Variants in TRPM2 observed in about 807,000 individuals in gnomAD.
The protein encoded by TRPM2 is estrogen-responsive element-associated gene 1 protein.
In TRPM2, 161 loss-of-function variants were observed where a neutral mutation model predicts 174.0. The observed-to-expected ratio is 0.93, with a 90% CI of 0.81 to 1.05. The LOEUF is 1.05. Among genes scored for constraint, TRPM2 ranks in the 50% least tolerant of loss-of-function variants. The probability of loss-of-function intolerance (pLI) is 0.00; values close to 1 mark genes in which losing one functional copy is unlikely to be tolerated. For synonymous variants in TRPM2, 954 were observed against 861.3 expected (o/e 1.11, Z -1.88); for missense variants, 2,057 against 2,038.0 (o/e 1.01, Z -0.18).
chr21:44,405,083 CAGTG>C (rs2049820000), intron 16 of TRPM2, 55 bp from the exon 17 acceptor site: 2 of 1,602,618 alleles, frequency 1.2e-6, no homozygotes, highest in Non-Finnish European at 1.7e-6. Context: ...GTGACAGTGA[CAGTG>C]AGGATAGTAA....
chr21:44,437,271 C>G, intron 29 of TRPM2, 104 bp downstream of exon 29: 2 of 1,080,236 alleles, frequency 1.9e-6, no homozygotes, highest in Non-Finnish European at 2.7e-6. Context: ...CCTGCAGCCC[C>G]CTGCAGCCCC....
chr21:44,351,533 G>A (rs2047925833), upstream of TRPM2, among the ~76,000 whole-genome samples: 2 of 152,248 alleles, frequency 1.3e-5, no homozygotes, highest in South Asian at 2.1e-4. Flanking sequence ...TGCTTGTGGA[G>A]AATTTTAGCT....
intron 11 of TRPM2, among the ~76,000 whole-genome samples, chr21:44,393,062 AC>A (rs1208705086): frequency 1.3e-5 from 2 of 151,130 alleles, no homozygotes; most frequent in African/African-American, 2.4e-5. Context: ...TCTAATCTCC[AC>A]CCTTATTCAA....
At chr21:44,362,440 A>G (rs1348222577) in intron 2 of TRPM2, among the ~76,000 whole-genome samples, 13 of 149,634 alleles carry the variant, frequency 8.7e-5, no homozygotes, top group Non-Finnish European at 1.2e-4. Context: ...TGAACCTGGG[A>G]GGCGGAGCTT....
At chr21:44,413,797 G>A in intron 19 of TRPM2, 94 bp from the exon 20 acceptor site, 1 of 1,420,632 alleles carries the variant, frequency 7.0e-7, no homozygotes, top group Non-Finnish European at 9.7e-7. Flanking sequence ...GGGGGACCTG[G>A]CAGTGACTGG....
chr21:44,352,465 A>G (rs1006148523), upstream of TRPM2, among the ~76,000 whole-genome samples: 1 of 152,200 alleles, frequency 6.6e-6, no homozygotes, highest in Admixed American at 6.5e-5. Context: ...TAATGTGATG[A>G]GGGGACGGCA....
In TRPM2 at chr21:44,391,708, A is replaced by G. The variant is rs2049183827; in HGVS notation, c.1794+83A>G. ...CTTAGAGCTCTCTGTTTTTAAAATT[A>G]GCTTTTATTTTTATTAGAAAAGACA... On this transcript the variant is annotated intron_variant, in intron 11 of 31. Coordinates refer to ENST00000397928, the MANE Select transcript of TRPM2 (RefSeq NM_003307.4). This position sits in a 1 kb window ranked among gnomAD's most constrained non-coding sequence, Gnocchi z 5.0. 3 of 1,288,320 alleles carry G rather than the reference A, an allele frequency of 2.3e-6. No homozygotes were observed. Among genetic ancestry groups the G allele is most frequent in the Non-Finnish European group, 3.1e-6 (3 of 961,532 alleles). The allele number at this position is 1,288,320 out of a possible 1,614,324, so 79.8% of individuals were successfully genotyped here.
chr21:44,371,252 G>A (rs2048533189), intron 5 of TRPM2, among the ~76,000 whole-genome samples: 1 of 150,404 alleles, frequency 6.6e-6, no homozygotes, highest in African/African-American at 2.5e-5. Flanking sequence ...TCCAGTCTCT[G>A]CCTCCGTGTC....
At chr21:44,410,162 G>A (rs1461265002) in intron 19 of TRPM2, among the ~76,000 whole-genome samples, 1 of 65,352 alleles carries the variant, frequency 1.5e-5, no homozygotes, top group African/African-American at 4.4e-5. Context: ...GCGTAGCCTT[G>A]TAGTAAGTTT....
chr21:44,380,270 G>A (rs1209191698), intron 8 of TRPM2, among the ~76,000 whole-genome samples: 1 of 152,190 alleles, frequency 6.6e-6, no homozygotes, highest in Non-Finnish European at 1.5e-5. Context: ...GAGCGTTTTT[G>A]TCCGGCAGGA....
intron 3 of TRPM2, among the ~76,000 whole-genome samples, chr21:44,365,478 G>A (rs528574787): frequency 4.6e-5 from 7 of 152,358 alleles, no homozygotes; most frequent in African/African-American, 7.2e-5. Context: ...ACCATGACAC[G>A]TGGGTGTTCT....
intron 24 of TRPM2, 54 bp from the exon 25 acceptor site, chr21:44,425,616 C>A: frequency 1.4e-6 from 2 of 1,435,134 alleles, no homozygotes; most frequent in Non-Finnish European, 1.8e-6. Context: ...GTCCTGCGGG[C>A]GGGCACCTGA....
chr21:44,385,892 C>G (rs548781713), intron 9 of TRPM2, among the ~76,000 whole-genome samples: 2 of 152,140 alleles, frequency 1.3e-5, no homozygotes, highest in Non-Finnish European at 2.9e-5. Flanking sequence ...GAAACTGTCC[C>G]CACAATCCAA....
Position 44,353,868 on chromosome 21 carries a change from A to T in TRPM2, c.165+3A>T. Reference sequence around the variant, plus strand: ...GCCCCTTCGGCAACAATGACAAGGTAGGCTTTCTGCTGGTCAGCCTGCAGT... The same window carrying T: ...GCCCCTTCGGCAACAATGACAAGGTTGGCTTTCTGCTGGTCAGCCTGCAGT... On this transcript the variant is annotated splice_donor_region_variant and intron_variant, in intron 1 of 31. Coordinates refer to ENST00000397928, the MANE Select transcript of TRPM2 (RefSeq NM_003307.4). The T allele has an allele frequency of 1.3e-6, 2 of 1,597,408 alleles. No homozygotes were observed. Among genetic ancestry groups the T allele is most frequent in the South Asian group, 2.3e-5 (2 of 88,676 alleles).
At chr21:44,359,138 A>G (rs1767324276) in intron 2 of TRPM2, among the ~76,000 whole-genome samples, 1 of 151,988 alleles carries the variant, frequency 6.6e-6, no homozygotes, top group African/African-American at 2.4e-5. Flanking sequence ...TGCTTGGTCC[A>G]TTTTACAGTG....
In TRPM2 at chr21:44,400,398, A is replaced by ACTGTGGGG. The variant is rs201755063; in HGVS notation, c.2321+31_2321+38dup. The ACTGTGGGG allele has an allele frequency of 0.01, 15,958 of 1,591,080 alleles. 774 individuals carry two copies. In the African/African-American group the frequency reaches 0.13, roughly 13 times the overall value. On this transcript the variant is annotated intron_variant, in intron 15 of 31. Coordinates refer to ENST00000397928, the MANE Select transcript of TRPM2 (RefSeq NM_003307.4). The stretch of plus-strand genomic sequence containing the variant: ...TGCTGCAGGGCTGCGGGGCTGCGGG[A>ACTGTGGGG]CTGTGGGGCTGCGGGGCTGCGGGAG...
At chr21:44,401,036 C>T (rs892165438) in intron 15 of TRPM2, among the ~76,000 whole-genome samples, 5 of 152,200 alleles carry the variant, frequency 3.3e-5, no homozygotes, top group Admixed American at 6.5e-5. Flanking sequence ...TTTCTCCTCA[C>T]GGCCAGGATG....
At chr21:44,383,882 C>G (rs1164046216) in intron 9 of TRPM2, among the ~76,000 whole-genome samples, 1 of 152,068 alleles carries the variant, frequency 6.6e-6, no homozygotes, top group Non-Finnish European at 1.5e-5. Context: ...AAGTTTATAG[C>G]TATAAATGCT....
intron 2 of TRPM2, among the ~76,000 whole-genome samples, chr21:44,356,157 C>T (rs2048055105): frequency 7.6e-6 from 1 of 132,134 alleles, no homozygotes; most frequent in African/African-American, 2.7e-5. Context: ...GCTGGGATTA[C>T]AGGCGTGAGC....
Sources: allele counts gnomAD v4.1 joint callset (sites outside exome capture counted in the v4.1 genomes callset), GRCh38; gene constraint gnomAD v4.1.1; non-coding constraint Gnocchi (gnomAD v3.1); transcripts MANE v1.5; gene names NCBI Gene and HGNC (gene_info 2026-07-23, HGNC 2026-07-21).